Variants in RAP1GAP2 observed in about 807,000 individuals in gnomAD.
The protein encoded by RAP1GAP2 is RAP1 GTPase activating protein 2, also known as rap1 GTPase-activating protein 2.
RAP1GAP2 carries 27 observed loss-of-function variants against 95.0 expected under a neutral mutation model. The ratio of observed to expected loss-of-function variants is 0.28; its 90% CI spans 0.21 to 0.39. RAP1GAP2 has a LOEUF of 0.39. Among genes scored for constraint, RAP1GAP2 ranks in the 10% least tolerant of loss-of-function variants. The pLI is 1.00. For synonymous variants in RAP1GAP2, 373 were observed against 380.9 expected (o/e 0.98, Z 0.24); for missense variants, 771 against 970.0 (o/e 0.79, Z 2.72).
chr17:2,789,312 T>C (rs1490783820), intron 1 of RAP1GAP2, among the ~76,000 whole-genome samples: 1 of 152,176 alleles, frequency 6.6e-6, no homozygotes, highest in Non-Finnish European at 1.5e-5. Flanking sequence ...CCTCCCAAAG[T>C]GCTGGGATTA....
chr17:2,809,411 C>T (rs1038268096), intron 2 of RAP1GAP2, among the ~76,000 whole-genome samples: 3 of 152,176 alleles, frequency 2.0e-5, no homozygotes, highest in East Asian at 1.9e-4. Context: ...CAGGGCTAAC[C>T]GTGTGAGTGT....
At chr17:2,971,650 C>T (rs2044871379) in intron 8 of RAP1GAP2, among the ~76,000 whole-genome samples, 3 of 152,132 alleles carry the variant, frequency 2.0e-5, no homozygotes, top group Admixed American at 1.3e-4. Flanking sequence ...AGCAACTTCT[C>T]TGTGTCTCAT....
At chr17:2,772,428 A>G (rs2068414644), upstream of RAP1GAP2, among the ~76,000 whole-genome samples, 1 of 152,080 alleles carries the variant, frequency 6.6e-6, no homozygotes, top group South Asian at 2.1e-4. Context: ...CTGGGACTAT[A>G]GGCATGCACC....
intron 3 of RAP1GAP2, among the ~76,000 whole-genome samples, chr17:2,922,389 C>T (rs971334825): frequency 2.6e-5 from 4 of 152,104 alleles, no homozygotes; most frequent in Admixed American, 2.6e-4. Flanking sequence ...ACCCTTTTTC[C>T]GAATAAGGTT....
chr17:2,922,998 C>T (rs2042839010), intron 3 of RAP1GAP2, among the ~76,000 whole-genome samples: 2 of 150,864 alleles, frequency 1.3e-5, no homozygotes, highest in African/African-American at 4.9e-5. Context: ...CCTGCCTCAG[C>T]TGGAGTAGCT....
intron 12 of RAP1GAP2, among the ~76,000 whole-genome samples, chr17:2,995,065 T>C (rs553355548): frequency 6.6e-6 from 1 of 152,292 alleles, no homozygotes; most frequent in Admixed American, 6.5e-5. Context: ...TCTGCCTGCC[T>C]CGGCCTCCCA....
intron 2 of RAP1GAP2, among the ~76,000 whole-genome samples, chr17:2,829,912 G>A (rs1016695264): frequency 6.7e-5 from 10 of 150,318 alleles, no homozygotes; most frequent in East Asian, 3.9e-4. Context: ...TCAGTCTCTC[G>A]AGAGGCTGGG....
At chr17:2,894,305 C>T (rs1301752905) in intron 2 of RAP1GAP2, among the ~76,000 whole-genome samples, 1 of 152,190 alleles carries the variant, frequency 6.6e-6, no homozygotes, top group African/African-American at 2.4e-5. Flanking sequence ...TGGTAGGCAC[C>T]TGTAGTCCCA....
intron 4 of RAP1GAP2, 191 bp from the exon 5 acceptor site, chr17:2,962,478 AG>A (rs1421603185): frequency 3.5e-6 from 2 of 573,694 alleles, no homozygotes; most frequent in Admixed American, 7.7e-5. Context: ...CTGTTAGCCC[AG>A]CGGCGCTGTT....
At chr17:2,977,167 T>C (rs564726867) in intron 8 of RAP1GAP2, among the ~76,000 whole-genome samples, 1 of 150,756 alleles carries the variant, frequency 6.6e-6, no homozygotes, top group Non-Finnish European at 1.5e-5. Context: ...ATACAAATAG[T>C]ATTACAGCAG....
chr17:2,893,615 A>G (rs1363290879), intron 2 of RAP1GAP2, among the ~76,000 whole-genome samples: 1 of 152,230 alleles, frequency 6.6e-6, no homozygotes, highest in African/African-American at 2.4e-5. Flanking sequence ...CTGATAGCCC[A>G]CACCTTGTGA....
At position 2,906,020 on chromosome 17, in the gene RAP1GAP2, A is replaced by AT. The variant is rs1164385124; in HGVS notation, c.165+652_165+653insT. 6.6e-6 allele frequency among the ~76,000 whole-genome samples: 1 copy of AT among 152,104 alleles called. No individual in the cohort carries two copies. Among genetic ancestry groups the AT allele is most frequent in the African/African-American group, 2.4e-5 (1 of 41,422 alleles). ...TCGGCAGGATGGCCACACAGGCCTG[A>AT]GCTGGTCCTCAGAGGAGACTTTTGG... On this transcript the variant is annotated intron_variant, in intron 3 of 24. Coordinates refer to ENST00000254695, the MANE Select transcript of RAP1GAP2 (RefSeq NM_015085.5). The surrounding 1 kb of genome is among the most constrained non-coding windows in gnomAD (Gnocchi z 4.3).
intron 2 of RAP1GAP2, among the ~76,000 whole-genome samples, chr17:2,865,957 A>G (rs1386709914): frequency 2.0e-5 from 3 of 152,244 alleles, no homozygotes; most frequent in African/African-American, 7.2e-5. Flanking sequence ...CACCTCCATC[A>G]ATATGCGGGT....
At chr17:2,781,678 G>T (rs551508463) in intron 1 of RAP1GAP2, among the ~76,000 whole-genome samples, 43 of 150,422 alleles carry the variant, frequency 2.9e-4, no homozygotes, top group African/African-American at 9.3e-4. Flanking sequence ...GCACGTCTCT[G>T]TGTGTGCAGG....
chr17:2,882,522 C>T (rs572579045), intron 2 of RAP1GAP2, among the ~76,000 whole-genome samples: 3 of 147,474 alleles, frequency 2.0e-5, no homozygotes, highest in South Asian at 2.1e-4. Context: ...CATCTCTTGA[C>T]GTCATGATCC....
intron 1 of RAP1GAP2, among the ~76,000 whole-genome samples, chr17:2,799,922 CA>C (rs2069210041): frequency 6.6e-6 from 1 of 152,266 alleles, no homozygotes; most frequent in East Asian, 1.9e-4. Context: ...CAGTCTGCAG[CA>C]AACGTGATCT....
intron 1 of RAP1GAP2, among the ~76,000 whole-genome samples, chr17:2,778,004 GGCTGGGAGGCGGGGAGGCTGGGAGGCT>G (rs2068546201): frequency 4.0e-5 from 2 of 49,642 alleles, no homozygotes; most frequent in African/African-American, 1.2e-4. Flanking sequence ...GAGGCTGGGA[GGCTGGGAGGCGGGGAGGCTGGGAGGCT>G]GGGAGGCGGG....
intron 2 of RAP1GAP2, among the ~76,000 whole-genome samples, chr17:2,771,912 T>A (rs997629446): frequency 1.3e-5 from 2 of 152,172 alleles, no homozygotes; most frequent in Non-Finnish European, 2.9e-5. Context: ...AATTTTTTTT[T>A]AAGAAATAGA....
intron 2 of RAP1GAP2, among the ~76,000 whole-genome samples, chr17:2,868,631 C>A (rs1191048734): frequency 6.6e-6 from 1 of 151,366 alleles, no homozygotes; most frequent in South Asian, 2.1e-4. Flanking sequence ...TATTCTCTTG[C>A]CTCAGCCTCT....
Sources: gnomAD v4.1 joint callset for allele counts (sites outside exome capture counted in the v4.1 genomes callset) on GRCh38, gnomAD v4.1.1 for gene constraint, Gnocchi (gnomAD v3.1) non-coding constraint, MANE v1.5 for transcripts, NCBI Gene and HGNC (gene_info 2026-07-23, HGNC 2026-07-21) for gene names.